PDK1: variants seen among roughly 807,000 people sequenced by gnomAD.
PDK1 encodes the protein pyruvate dehydrogenase kinase 1.
Under a neutral mutation model 54.2 loss-of-function variants are expected in PDK1, and 39 were observed. The observed-to-expected ratio is 0.72, with a 90% confidence interval of 0.56 to 0.94. PDK1 has a LOEUF of 0.94. Ranked by LOEUF, PDK1 falls within the 40% of genes least tolerant of loss-of-function variation. PDK1 has a pLI of 0.00. For missense variants in PDK1, 552 were observed against 566.0 expected (o/e 0.98, Z 0.25); for synonymous variants, 221 against 207.1 (o/e 1.07, Z -0.58).
the PDK1 span, among the ~76,000 whole-genome samples, chr2:172,664,688 TC>T: frequency 6.6e-6 from 1 of 152,140 alleles, no homozygotes; most frequent in East Asian, 1.9e-4. Flanking sequence ...TACTGGCCTG[TC>T]TTCCATGTCT....
At chr2:172,713,485 G>A in the PDK1 span, among the ~76,000 whole-genome samples, 4 of 152,318 alleles carry the variant, frequency 2.6e-5, no homozygotes, top group Admixed American at 1.3e-4. Context: ...GTGCCCCCTT[G>A]GCCACTCTCT....
rs370545214 is a variant in PDK1, at chr2:172,586,379, A to G, written c.1047A>G (p.Ala349=). ...APRPRVETSR[A]VPLAGFGYGL... The stretch of plus-strand genomic sequence containing the variant: ...GACCTCGTGTTGAGACCTCCCGCGC[A>G]GTGCCTCTGGTATGTTATCAAGAAA... Residue 349 remains alanine, a synonymous_variant, in exon 9 of 11, where the codon GCA becomes GCG. Transcript: ENST00000282077. 6 of 1,585,326 alleles carry G rather than the reference A, an allele frequency of 3.8e-6. No homozygotes were observed. The Admixed American group carries it at 6.7e-5, about 18-fold the overall frequency.
the PDK1 span, among the ~76,000 whole-genome samples, chr2:172,639,265 A>G: frequency 6.6e-6 from 1 of 152,222 alleles, no homozygotes; most frequent in African/African-American, 2.4e-5. Context: ...CTTAAACACT[A>G]TGTAGCCAGC....
At chr2:172,566,126 A>G (rs1688926065) in intron 5 of PDK1, among the ~76,000 whole-genome samples, 2 of 152,208 alleles carry the variant, frequency 1.3e-5, no homozygotes, top group African/African-American at 4.8e-5. Flanking sequence ...CATAGATAGC[A>G]ATTATTTTCT....
At chr2:172,674,247 A>C in the PDK1 span, 1 of 152,404 alleles carries the variant, frequency 6.6e-6, no homozygotes, top group East Asian at 1.9e-4. Flanking sequence ...GGTTCAGCGA[A>C]ACTTCAAATC....
In PDK1 at chr2:172,558,828, C is replaced by A; in HGVS notation, c.317C>A (p.Ser106Tyr). ...CCAGATAATCTTCTCAGGACACCAT[C>A]CGTTCAATTGGTACAAAGCTGGTAA... ...LLPDNLLRTPSVQLVQSWYIQ... is the reference protein window; with the variant it reads ...LLPDNLLRTPYVQLVQSWYIQ... The change falls in exon 2 of 11, where the codon TCC becomes TAC. Residue 106 changes from serine to tyrosine, a missense_variant. Ser to Tyr is a moderately radical substitution (Grantham distance 144, BLOSUM62 -2). Coordinates refer to ENST00000282077, the MANE Select transcript of PDK1 (RefSeq NM_002610.5). 6.2e-7 allele frequency: 1 copy of A among 1,611,996 alleles called. No homozygotes were observed. Among genetic ancestry groups the A allele is most frequent in the South Asian group, 1.1e-5 (1 of 90,616 alleles).
At chr2:172,585,174 T>A (rs1391765001) in intron 8 of PDK1, among the ~76,000 whole-genome samples, 2 of 151,598 alleles carry the variant, frequency 1.3e-5, no homozygotes, top group African/African-American at 2.4e-5. Flanking sequence ...TTTTAGAAAA[T>A]TTTTTGTAGC....
the PDK1 span, among the ~76,000 whole-genome samples, chr2:172,648,285 A>G: frequency 6.6e-6 from 1 of 152,342 alleles, no homozygotes; most frequent in East Asian, 1.9e-4. Flanking sequence ...AGGGAAGGTC[A>G]GTGAAAGATA....
the PDK1 span, among the ~76,000 whole-genome samples, chr2:172,715,325 A>C: frequency 6.6e-6 from 1 of 152,168 alleles, no homozygotes; most frequent in Non-Finnish European, 1.5e-5. Context: ...TGCCTTGCCC[A>C]AGTTCTCAGA....
chr2:172,564,890 G>T (rs1399372434), intron 4 of PDK1, 88 bp from the exon 5 acceptor site: 7 of 1,009,036 alleles, frequency 6.9e-6, no homozygotes, highest in African/African-American at 1.6e-5. Context: ...TATTTGTTCT[G>T]TTTGGTACAA....
At chr2:172,688,519 C>T in the PDK1 span, among the ~76,000 whole-genome samples, 1 of 152,190 alleles carries the variant, frequency 6.6e-6, no homozygotes, top group African/African-American at 2.4e-5. Flanking sequence ...TTGGACCACT[C>T]TTGGTAGCAC....
At chr2:172,644,723 A>T in the PDK1 span, among the ~76,000 whole-genome samples, 1 of 152,206 alleles carries the variant, frequency 6.6e-6, no homozygotes, top group Non-Finnish European at 1.5e-5. Context: ...TCCTTTTCCA[A>T]TGTGAAGGAC....
chr2:172,705,194 AT>A, the PDK1 span, among the ~76,000 whole-genome samples: 2 of 152,234 alleles, frequency 1.3e-5, no homozygotes, highest in Non-Finnish European at 2.9e-5. Flanking sequence ...ACAAAATTTA[AT>A]GCAAGTCTAA....
chr2:172,593,158 A>T lies in PDK1; in HGVS notation c.1170+110A>T, dbSNP rs1026664092. ...TACCACATGCTGTTTAAATAGAAAA[A>T]AACTATGGTTTTTTGCTGGGGATCT... is the stretch of plus-strand genomic sequence containing the variant. On this transcript the variant is annotated intron_variant, in intron 10 of 10. Transcript: ENST00000282077. 7 of 553,438 alleles carry T rather than the reference A, an allele frequency of 1.3e-5. No individual in the cohort carries two copies. The African/African-American group carries it at 1.3e-4, about 11-fold the overall frequency. The allele number at this position is 553,438 out of a possible 1,614,324, so 34.3% of individuals were successfully genotyped here.
the PDK1 span, among the ~76,000 whole-genome samples, chr2:172,721,487 G>A: frequency 6.6e-6 from 1 of 152,054 alleles, no homozygotes; most frequent in Admixed American, 6.6e-5. Flanking sequence ...ACAGGCATGT[G>A]CCACCAGGCC....
intron 9 of PDK1, among the ~76,000 whole-genome samples, chr2:172,588,911 C>G (rs1690413292): frequency 6.6e-6 from 1 of 152,240 alleles, no homozygotes; most frequent in Admixed American, 6.5e-5. Flanking sequence ...AACAAGCCAG[C>G]CACTTGTTTT....
chr2:172,673,572 G>A, the PDK1 span, among the ~76,000 whole-genome samples: 1 of 152,140 alleles, frequency 6.6e-6, no homozygotes, highest in East Asian at 1.9e-4. Context: ...CCTGGTGTGT[G>A]TGCTGGGGGA....
the PDK1 span, among the ~76,000 whole-genome samples, chr2:172,666,719 C>T: frequency 7.1e-3 from 1,076 of 152,148 alleles, 19 homozygotes; most frequent in African/African-American, 0.025. Flanking sequence ...ACCGGGGTGA[C>T]TAAGGTCAGA....
the PDK1 span, among the ~76,000 whole-genome samples, chr2:172,621,697 ATG>A: frequency 2.7e-5 from 4 of 146,606 alleles, no homozygotes; most frequent in Admixed American, 6.9e-5. Flanking sequence ...TATCATATAT[ATG>A]TTTATATATC....
Sources: allele counts gnomAD v4.1 joint callset (sites outside exome capture counted in the v4.1 genomes callset), GRCh38; gene constraint gnomAD v4.1.1; transcripts MANE v1.5; gene names NCBI Gene and HGNC (gene_info 2026-07-23, HGNC 2026-07-21).